Variants in AGBL4 observed in about 807,000 individuals in gnomAD.
AGBL4 encodes AGBL carboxypeptidase 4, also known as cytosolic carboxypeptidase 6.
In AGBL4, 58 loss-of-function variants were observed where a neutral mutation model predicts 66.4. That is an observed-to-expected ratio of 0.87 (90% confidence interval 0.71 to 1.09). The LOEUF is 1.09. Ranked by LOEUF, AGBL4 falls within the 50% of genes least tolerant of loss-of-function variation. The pLI is 0.00. For missense variants in AGBL4, 579 were observed against 631.0 expected (o/e 0.92, Z 0.88); for synonymous variants, 234 against 222.9 (o/e 1.05, Z -0.44).
At chr1:49,569,583 C>G (rs1429624124) in intron 3 of AGBL4, among the ~76,000 whole-genome samples, 12 of 152,134 alleles carry the variant, frequency 7.9e-5, no homozygotes, top group Non-Finnish European at 1.8e-4. Context: ...TTGCCTTTGA[C>G]TTATTTATTT....
At chr1:48,758,542 GTC>G (rs1557955583) in intron 6 of AGBL4, among the ~76,000 whole-genome samples, 2 of 152,234 alleles carry the variant, frequency 1.3e-5, no homozygotes, top group Non-Finnish European at 2.9e-5. Context: ...TTAGGATCAT[GTC>G]TACTTCTTTT....
At chr1:49,945,786 T>C (rs996933136) in intron 1 of AGBL4, among the ~76,000 whole-genome samples, 1 of 152,032 alleles carries the variant, frequency 6.6e-6, no homozygotes, top group African/African-American at 2.4e-5. Flanking sequence ...GGATAAGAAT[T>C]CATCAACTAA....
In AGBL4 at chr1:48,751,671, G is replaced by T. The variant is rs895290289; in HGVS notation, c.635-88430C>A. On this transcript the variant is annotated intron_variant, in intron 6 of 13. Transcript: ENST00000371839. ...CAAAAAAAACATAAGCTTGTCACAT[G>T]GCAATATGGAAGGCAAAACCCTGCT... is the stretch of plus-strand genomic sequence containing the variant. 2.0e-5 allele frequency among the ~76,000 whole-genome samples: 3 copies of T among 152,150 alleles called. No homozygotes were observed. The East Asian group carries it at 5.8e-4, about 29-fold the overall frequency.
chr1:49,077,699 T>C (rs763387309), intron 4 of AGBL4, among the ~76,000 whole-genome samples: 2 of 152,136 alleles, frequency 1.3e-5, no homozygotes, highest in Admixed American at 6.6e-5. Context: ...AAAATCTATG[T>C]AAATAAACAC....
At chr1:49,339,332 C>G (rs568330590) in intron 3 of AGBL4, among the ~76,000 whole-genome samples, 3 of 152,276 alleles carry the variant, frequency 2.0e-5, no homozygotes, top group African/African-American at 7.2e-5. Context: ...AGTTACTTTA[C>G]GTTATTCCAA....
intron 5 of AGBL4, among the ~76,000 whole-genome samples, chr1:49,009,772 A>C (rs2149003648): frequency 1.3e-5 from 2 of 152,112 alleles, no homozygotes; most frequent in Middle Eastern, 6.8e-3. Context: ...AGCCAAAGAC[A>C]AAAACCACAT....
At chr1:48,543,029 T>C (rs933946153) in intron 11 of AGBL4, among the ~76,000 whole-genome samples, 11 of 152,194 alleles carry the variant, frequency 7.2e-5, no homozygotes, top group African/African-American at 2.4e-4. Flanking sequence ...TCCCCAAATG[T>C]TGGGCACCTA....
intron 11 of AGBL4, among the ~76,000 whole-genome samples, chr1:48,568,482 C>T (rs374744634): frequency 1.3e-3 from 198 of 152,298 alleles, no homozygotes; most frequent in East Asian, 9.5e-3. Flanking sequence ...ATGCTCTTCC[C>T]GTGGAGGATC....
chr1:49,402,019 A>G (rs1645097412), intron 3 of AGBL4, among the ~76,000 whole-genome samples: 1 of 152,038 alleles, frequency 6.6e-6, no homozygotes, highest in Non-Finnish European at 1.5e-5. Context: ...ATCAGTTGTA[A>G]TGTCTCTTTT....
At chr1:49,788,336 T>TA (rs1017656018) in intron 2 of AGBL4, among the ~76,000 whole-genome samples, 4 of 149,960 alleles carry the variant, frequency 2.7e-5, no homozygotes, top group Non-Finnish European at 4.5e-5. Flanking sequence ...AAACAGAGGA[T>TA]AAAAAAAGAA....
At chr1:49,530,259 T>TAAAAACAAAAAAAAAAA (rs1650994093) in intron 3 of AGBL4, among the ~76,000 whole-genome samples, 1 of 75,984 alleles carries the variant, frequency 1.3e-5, no homozygotes, top group Non-Finnish European at 2.4e-5. Flanking sequence ...GTAGAATTTG[T>TAAAAACAAAAAAAAAAA]AAAAAAAAAA....
intron 5 of AGBL4, among the ~76,000 whole-genome samples, chr1:48,999,555 G>A (rs1661249200): frequency 1.3e-5 from 2 of 152,114 alleles, no homozygotes; most frequent in South Asian, 2.1e-4. Flanking sequence ...TTGGCATGAC[G>A]TGCCTCCACC....
intron 11 of AGBL4, among the ~76,000 whole-genome samples, chr1:48,544,631 G>A (rs1315025816): frequency 1.3e-5 from 2 of 152,144 alleles, no homozygotes; most frequent in Non-Finnish European, 2.9e-5. Flanking sequence ...CTGAGGTGAG[G>A]CCAGAAAAGG....
At chr1:48,622,534 A>G (rs1310425247) in intron 9 of AGBL4, among the ~76,000 whole-genome samples, 1 of 124,016 alleles carries the variant, frequency 8.1e-6, no homozygotes, top group Admixed American at 1.1e-4. Flanking sequence ...CCCAGGCTGG[A>G]GTGCAATGGC....
intron 3 of AGBL4, among the ~76,000 whole-genome samples, chr1:49,418,895 G>T (rs1449158715): frequency 6.6e-6 from 1 of 152,152 alleles, no homozygotes; most frequent in South Asian, 2.1e-4. Context: ...GACATTAACA[G>T]ATTTAAAAAA....
intron 11 of AGBL4, among the ~76,000 whole-genome samples, chr1:48,567,192 T>C (rs1274702587): frequency 6.6e-6 from 1 of 152,232 alleles, no homozygotes; most frequent in Non-Finnish European, 1.5e-5. Context: ...CAACTCACTG[T>C]GGCCCTGACT....
chr1:49,817,097 G>T (rs1246954202), intron 2 of AGBL4, among the ~76,000 whole-genome samples: 4 of 152,142 alleles, frequency 2.6e-5, no homozygotes, highest in Non-Finnish European at 5.9e-5. Context: ...TTGGTTTACA[G>T]TTGACCAGAC....
At chr1:49,375,019 C>A (rs1159554272) in intron 3 of AGBL4, among the ~76,000 whole-genome samples, 4 of 152,170 alleles carry the variant, frequency 2.6e-5, no homozygotes, top group Non-Finnish European at 5.9e-5. Context: ...CCAAAACACT[C>A]TTTTCTTCAG....
At chr1:49,098,265 A>G (rs1253090888) in intron 4 of AGBL4, among the ~76,000 whole-genome samples, 2 of 152,264 alleles carry the variant, frequency 1.3e-5, no homozygotes, top group Non-Finnish European at 2.9e-5. Flanking sequence ...AAATTGGAGT[A>G]CATGTGTTGT....
Sources: allele counts gnomAD v4.1 joint callset (sites outside exome capture counted in the v4.1 genomes callset), GRCh38; gene constraint gnomAD v4.1.1; transcripts MANE v1.5; gene names NCBI Gene and HGNC (gene_info 2026-07-23, HGNC 2026-07-21).